MRTFA: variants seen among roughly 807,000 people sequenced by gnomAD.
MRTFA encodes the protein myocardin-related transcription factor A.
In MRTFA, 20 loss-of-function variants were observed where a neutral mutation model predicts 83.5. That is an observed-to-expected ratio of 0.24 (90% CI 0.17 to 0.35). The LOEUF (loss-of-function observed/expected upper bound fraction) is 0.35, where lower values mean the gene tolerates loss of function less well. Ranked by LOEUF, MRTFA falls within the 10% of genes least tolerant of loss-of-function variation. The probability of loss-of-function intolerance (pLI) is 1.00; values close to 1 mark genes in which losing one functional copy is unlikely to be tolerated. For missense variants in MRTFA, 1,200 were observed against 1,224.7 expected, an observed-to-expected ratio of 0.98 and a Z score of 0.30; for synonymous variants, 659 against 541.2, an observed-to-expected ratio of 1.22 and a Z score of -3.02.
intron 1 of MRTFA, among the ~76,000 whole-genome samples, chr22:40,608,009 G>A (rs554383641): frequency 2.6e-5 from 4 of 152,180 alleles, no homozygotes; most frequent in African/African-American, 4.8e-5. Context: ...ATCATAGACA[G>A]GCCATCAGGG....
intron 1 of MRTFA, among the ~76,000 whole-genome samples, chr22:40,599,760 A>T (rs867633418): frequency 1.3e-5 from 2 of 151,996 alleles, no homozygotes; most frequent in Non-Finnish European, 2.9e-5. Context: ...TTAATCAGGC[A>T]TGGTGGTGTT....
chr22:40,414,332 G>A (rs1602195693), intron 14 of MRTFA, among the ~76,000 whole-genome samples: 4 of 152,086 alleles, frequency 2.6e-5, no homozygotes, highest in South Asian at 4.1e-4. Context: ...AACAGACTCC[G>A]TCTCCAAGGA....
rs147550895 is a variant in MRTFA at position 40,583,032 on chromosome 22, A to T, written c.-22+11642T>A. Among the ~76,000 whole-genome samples, 319 of 152,320 alleles carry T rather than the reference A, an allele frequency of 2.1e-3. 1 individual carries two copies. Among genetic ancestry groups the T allele is most frequent in the African/African-American group, 7.4e-3 (309 of 41,582 alleles). Reference sequence around the variant, plus strand: ...TGTCTTTTGCCAAATGAGGCAAAATAAAGTAAAAAGTCTTTAACAAATGGA... The same window carrying T: ...TGTCTTTTGCCAAATGAGGCAAAATTAAGTAAAAAGTCTTTAACAAATGGA... On this transcript the variant is annotated intron_variant, in intron 2 of 14. Transcript: ENST00000355630.
chr22:40,417,035 G>A lies in MRTFA; in HGVS notation c.2529C>T (p.Ser843=). 6.3e-7 allele frequency: 1 copy of A among 1,594,804 alleles called. No homozygotes were observed. Among genetic ancestry groups the A allele is most frequent in the Non-Finnish European group, 8.5e-7 (1 of 1,170,670 alleles). ...ACAGGTCGTCCATCTGCTGGCTTGA[G>A]GAACCATTTTCCTGTGGGACAAAGG... is the stretch of plus-strand genomic sequence containing the variant. The change falls in exon 14 of 15, where the codon TCC becomes TCT. Residue 843 remains serine (S), a synonymous_variant. Transcript: ENST00000355630.
chr22:40,427,245 G>A (rs1453212867), intron 7 of MRTFA, among the ~76,000 whole-genome samples: 2 of 152,180 alleles, frequency 1.3e-5, no homozygotes, highest in African/African-American at 4.8e-5. Flanking sequence ...CCACTGAGAT[G>A]AGGCAGGATG....
At chr22:40,448,373 C>T (rs540813227) in intron 4 of MRTFA, among the ~76,000 whole-genome samples, 1 of 152,064 alleles carries the variant, frequency 6.6e-6, no homozygotes, top group African/African-American at 2.4e-5. Context: ...ACTCGGGAGG[C>T]TGAGGTGGGA....
chr22:40,564,324 A>T (rs771647705), intron 2 of MRTFA, among the ~76,000 whole-genome samples: 32 of 152,194 alleles, frequency 2.1e-4, no homozygotes, highest in Admixed American at 3.9e-4. Context: ...GAGAAGGAAA[A>T]CATGGGAATG....
chr22:40,452,237 G>A (rs933963204), intron 4 of MRTFA, among the ~76,000 whole-genome samples: 7 of 152,058 alleles, frequency 4.6e-5, no homozygotes, highest in African/African-American at 1.7e-4. Context: ...ACCTGCCTCG[G>A]CCTCCCCAAG....
intron 4 of MRTFA, among the ~76,000 whole-genome samples, chr22:40,452,709 G>T (rs973074047): frequency 1.3e-5 from 2 of 150,924 alleles, no homozygotes; most frequent in African/African-American, 4.9e-5. Context: ...TACCTAGGAG[G>T]CCGAGGCAAT....
At chr22:40,413,966 T>C (rs2052620303) in intron 14 of MRTFA, among the ~76,000 whole-genome samples, 3 of 152,236 alleles carry the variant, frequency 2.0e-5, no homozygotes, top group Admixed American at 1.3e-4. Context: ...GGAACCCTTG[T>C]GCATTGCTAG....
At chr22:40,438,657 T>G (rs1283208689) in intron 4 of MRTFA, among the ~76,000 whole-genome samples, 1 of 152,194 alleles carries the variant, frequency 6.6e-6, no homozygotes, top group Non-Finnish European at 1.5e-5. Flanking sequence ...AATGTTACAG[T>G]ATTTTGAGTG....
chr22:40,581,660 C>T (rs2147360795), intron 2 of MRTFA, among the ~76,000 whole-genome samples: 1 of 152,128 alleles, frequency 6.6e-6, no homozygotes, highest in Middle Eastern at 3.4e-3. Flanking sequence ...ACAACTTATT[C>T]CTTTCTTCTG....
chr22:40,570,332 T>C (rs1404425745), intron 2 of MRTFA, among the ~76,000 whole-genome samples: 3 of 151,702 alleles, frequency 2.0e-5, no homozygotes, highest in African/African-American at 7.3e-5. Flanking sequence ...TCCCAGCACT[T>C]TGGGAGGCCG....
chr22:40,571,954 G>A, intron 2 of MRTFA, among the ~76,000 whole-genome samples: 2 of 146,746 alleles, frequency 1.4e-5, no homozygotes, highest in African/African-American at 2.5e-5. Context: ...AAAGAAGAGG[G>A]ACAATAAGCA....
At chr22:40,420,305 C>T in intron 11 of MRTFA, 100 bp downstream of exon 11, 2 of 1,383,342 alleles carry the variant, frequency 1.4e-6, no homozygotes, top group Non-Finnish European at 2.0e-6. Context: ...GACGGTGGGT[C>T]CTAGGCTGGC....
intron 6 of MRTFA, 119 bp from the exon 7 acceptor site, chr22:40,429,886 G>T: frequency 9.3e-7 from 1 of 1,069,564 alleles, no homozygotes. Context: ...AGAACGGTAA[G>T]CATATTCCAA....
At chr22:40,494,677 T>C (rs1306966425) in intron 3 of MRTFA, among the ~76,000 whole-genome samples, 1 of 145,074 alleles carries the variant, frequency 6.9e-6, no homozygotes, top group African/African-American at 2.6e-5. Context: ...CCAGACTCTG[T>C]CTAAAAAAAA....
At chr22:40,516,055 G>C (rs2054752370) in intron 3 of MRTFA, among the ~76,000 whole-genome samples, 1 of 152,104 alleles carries the variant, frequency 6.6e-6, no homozygotes, top group Admixed American at 6.5e-5. Flanking sequence ...GGATCTTCAG[G>C]ATAAAGCAAT....
intron 2 of MRTFA, among the ~76,000 whole-genome samples, chr22:40,562,483 T>C (rs1413769922): frequency 2.1e-5 from 3 of 145,246 alleles, no homozygotes; most frequent in Admixed American, 1.4e-4. Flanking sequence ...AATTGTGATA[T>C]GTAATAAATG....
Sources: allele counts gnomAD v4.1 joint callset (sites outside exome capture counted in the v4.1 genomes callset), GRCh38; gene constraint gnomAD v4.1.1; transcripts MANE v1.5; gene names NCBI Gene and HGNC (gene_info 2026-07-23, HGNC 2026-07-21).